PNPLA7: variants seen among roughly 807,000 people sequenced by gnomAD.
PNPLA7 encodes patatin-like phospholipase domain-containing protein 7.
In PNPLA7, 153 loss-of-function variants were observed where a neutral mutation model predicts 161.7. That is an observed-to-expected ratio of 0.95 (90% CI 0.83 to 1.08). The LOEUF is 1.08. Ranked by LOEUF, PNPLA7 falls within the 50% of genes least tolerant of loss-of-function variation. The pLI, the probability that PNPLA7 is intolerant of heterozygous loss-of-function variation, is 0.00. For missense variants in PNPLA7, 1,739 were observed against 1,856.6 expected, an observed-to-expected ratio of 0.94 and a Z score of 1.16; for synonymous variants, 809 against 782.1, an observed-to-expected ratio of 1.03 and a Z score of -0.57.
rs528179816 is a variant in PNPLA7, at chr9:137,484,493, G to A, written c.2347+94C>T. 5.2e-5 allele frequency: 71 copies of A among 1,370,368 alleles called. No homozygotes were observed. In the East Asian group the frequency reaches 8.2e-4, roughly 16 times the overall value. 84.9% of individuals were successfully genotyped at this position (1,370,368 alleles called of 1,614,324 possible). ...CCCAACTGAGCCCTGCCCACCCACC[G>A]CCGCGTCCCCTCGAAGACAGAGGGC... On this transcript the variant is annotated intron_variant, in intron 21 of 34. Transcript: ENST00000406427.
At chr9:137,549,303 C>G (rs1836714587) in intron 1 of PNPLA7, among the ~76,000 whole-genome samples, 2 of 151,934 alleles carry the variant, frequency 1.3e-5, no homozygotes, top group African/African-American at 4.8e-5. Context: ...CACGGTGGCT[C>G]ATGCCTGTAA....
chr9:137,531,497 AG>A (rs1315713087), intron 8 of PNPLA7, among the ~76,000 whole-genome samples: 1 of 152,160 alleles, frequency 6.6e-6, no homozygotes, highest in Non-Finnish European at 1.5e-5. Flanking sequence ...TCTGGCAGGC[AG>A]GGGTCCCCGA....
chr9:137,480,505 C>T (rs775508110), intron 22 of PNPLA7, 25 bp from the exon 23 acceptor site: 4 of 1,586,066 alleles, frequency 2.5e-6, no homozygotes, highest in Non-Finnish European at 1.7e-6. Flanking sequence ...GGGAGTACCT[C>T]ACTACTCCGC....
At chr9:137,472,386 C>T (rs529682770) in intron 25 of PNPLA7, among the ~76,000 whole-genome samples, 1 of 151,932 alleles carries the variant, frequency 6.6e-6, no homozygotes, top group Non-Finnish European at 1.5e-5. Context: ...TTATAAATTA[C>T]AAGCCTGTAA....
chr9:137,522,965 C>A, intron 8 of PNPLA7, 108 bp from the exon 9 acceptor site: 1 of 1,470,372 alleles, frequency 6.8e-7, no homozygotes, highest in Non-Finnish European at 9.3e-7. Flanking sequence ...TGCCCAGTCA[C>A]ACGGCTCCAT....
chr9:137,504,744 A>G (rs764932404), intron 14 of PNPLA7, among the ~76,000 whole-genome samples: 3 of 152,186 alleles, frequency 2.0e-5, no homozygotes, highest in Non-Finnish European at 2.9e-5. Flanking sequence ...GTGAACTTAT[A>G]ACGTGTTGGA....
chr9:137,502,712 C>CGGGGGGCGGGGGGGGACGG (rs1392067298), intron 14 of PNPLA7, among the ~76,000 whole-genome samples: 1 of 8,212 alleles, frequency 1.2e-4, no homozygotes, highest in Non-Finnish European at 2.0e-4. Context: ...GCGGGGGACG[C>CGGGGGGCGGGGGGGGACGG]GGGGGACGCG....
At chr9:137,498,389 G>T in intron 16 of PNPLA7, 144 bp from the exon 17 acceptor site, 1 of 1,240,984 alleles carries the variant, frequency 8.1e-7, no homozygotes, top group Non-Finnish European at 1.1e-6. Flanking sequence ...CTGGGACGGG[G>T]CACGCACCAG....
In PNPLA7 at chr9:137,550,322, T is replaced by C. The variant is rs1362260769; in HGVS notation, c.-125A>G. 3 of 1,043,802 alleles carry C rather than the reference T, an allele frequency of 2.9e-6. No individual in the cohort carries two copies. The highest frequency in any genetic ancestry group is 4.4e-6 in the Non-Finnish European group (3 of 675,918). 64.7% of individuals were successfully genotyped at this position (1,043,802 alleles called of 1,614,324 possible). A position where few individuals can be genotyped will look rare whatever the true frequency, so the allele number is the denominator to read the frequency against. ...CCTGGGTTCCTTTCAAGTCAAATTA[T>C]GTTTCACTGAAAGGAAAATCCTGCT... On this transcript the variant is annotated 5_prime_UTR_variant, in exon 1 of 35. Coordinates refer to ENST00000406427, the MANE Select transcript of PNPLA7 (RefSeq NM_001098537.3).
chr9:137,515,700 C>A (rs1005193403), intron 11 of PNPLA7, among the ~76,000 whole-genome samples, 181 bp from the exon 12 acceptor site: 1 of 151,310 alleles, frequency 6.6e-6, no homozygotes, highest in African/African-American at 2.4e-5. Context: ...TGAGTGCAAG[C>A]GAGTGCCGGC....
chr9:137,516,625 G>T (rs576402084), intron 11 of PNPLA7: 56 of 536,854 alleles, frequency 1.0e-4, no homozygotes, highest in Non-Finnish European at 1.2e-4. Flanking sequence ...CCTGGACCAC[G>T]TAGTAAGATG....
At chr9:137,548,524 C>T (rs901235005) in intron 1 of PNPLA7, among the ~76,000 whole-genome samples, 22 of 152,078 alleles carry the variant, frequency 1.4e-4, no homozygotes, top group African/African-American at 3.9e-4. Context: ...CTGAGGCGGG[C>T]GGATCATGAG....
chr9:137,506,076 T>TAGGC lies in PNPLA7; in HGVS notation c.1232_1233insGCCT (p.Gly412ProfsTer7). Reference sequence around the variant, plus strand: ...TCCCCAGATCAGAAGTGGCACTGCCTGGGCCCCCTACACACAGAGGGGACA... The same window carrying TAGGC: ...TCCCCAGATCAGAAGTGGCACTGCCTAGGCGGGCCCCCTACACACAGAGGGGACA... On this transcript the variant is annotated frameshift_variant, in exon 13 of 35. Transcript: ENST00000406427. LOFTEE classifies it high-confidence loss of function. The TAGGC allele has an allele frequency of 6.2e-7, 1 of 1,611,796 alleles. No individual in the cohort carries two copies. The highest frequency in any genetic ancestry group is 1.7e-5 in the Admixed American group (1 of 59,740).
intron 23 of PNPLA7, chr9:137,479,842 G>T (rs1019849602): frequency 1.0e-6 from 1 of 985,348 alleles, no homozygotes; most frequent in Non-Finnish European, 1.2e-6. Flanking sequence ...GCGTCCCGAA[G>T]GTGCCTGCAG....
At chr9:137,479,590 A>G in intron 23 of PNPLA7, 1 of 985,460 alleles carries the variant, frequency 1.0e-6, no homozygotes, top group Non-Finnish European at 1.2e-6. Flanking sequence ...AGGAACATAC[A>G]TCAGAGAGGA....
At chr9:137,522,947 C>T in intron 8 of PNPLA7, 90 bp from the exon 9 acceptor site, 1 of 1,542,964 alleles carries the variant, frequency 6.5e-7, no homozygotes, top group African/African-American at 1.4e-5. Context: ...GGAGGAGGCC[C>T]CGCCTGCTGC....
At position 137,515,527 on chromosome 9, in the gene PNPLA7, G is replaced by T; in HGVS notation, c.1085-8C>A. The T allele has an allele frequency of 6.5e-7, 1 of 1,536,098 alleles. No homozygotes were observed. Among genetic ancestry groups the T allele is most frequent in the Non-Finnish European group, 8.7e-7 (1 of 1,144,726 alleles). On this transcript the variant is annotated splice_region_variant and splice_polypyrimidine_tract_variant and intron_variant, in intron 11 of 34. Coordinates refer to ENST00000406427, the MANE Select transcript of PNPLA7 (RefSeq NM_001098537.3). ...GGCGGCCGCCCCCGTGATCTGCTGG[G>T]GAGGCAGCCGTAAGCAACCTTGTTT...
intron 11 of PNPLA7, 148 bp from the exon 12 acceptor site, chr9:137,515,667 T>C (rs1834498921): frequency 1.9e-6 from 2 of 1,035,378 alleles, no homozygotes; most frequent in African/African-American, 3.4e-5. Flanking sequence ...CCACCAGGCC[T>C]CTGCATCTGC....
At position 137,523,365 on chromosome 9, in the gene PNPLA7, C is replaced by T. The variant is rs1019020510; in HGVS notation, c.748-508G>A. 2.6e-5 allele frequency among the ~76,000 whole-genome samples: 4 copies of T among 152,094 alleles called. No individual in the cohort carries two copies. The highest frequency in any genetic ancestry group is 4.1e-4 in the South Asian group (2 of 4,826). ...GGACAGGGAGCGCGCACTGCCGGGT[C>T]GCACGAGGCCCAGGTGAGGAGCCAC... On this transcript the variant is annotated intron_variant, in intron 8 of 34. Coordinates refer to ENST00000406427, the MANE Select transcript of PNPLA7 (RefSeq NM_001098537.3). The surrounding 1 kb of genome is among the most constrained non-coding windows in gnomAD (Gnocchi z 4.4).
Sources: gnomAD v4.1 joint callset for allele counts (sites outside exome capture counted in the v4.1 genomes callset) on GRCh38, gnomAD v4.1.1 for gene constraint, Gnocchi (gnomAD v3.1) non-coding constraint, MANE v1.5 for transcripts, NCBI Gene and HGNC (gene_info 2026-07-23, HGNC 2026-07-21) for gene names.